The following RBFOX3 variants were observed in gnomAD, a reference collection of about 807,000 sequenced individuals.
RBFOX3 encodes the protein RNA binding fox-1 homolog 3.
In RBFOX3, 17 loss-of-function variants were observed where a neutral mutation model predicts 48.7. The observed-to-expected ratio is 0.35, with a 90% CI of 0.24 to 0.52. The LOEUF (loss-of-function observed/expected upper bound fraction) is 0.52, where lower values mean the gene tolerates loss of function less well. RBFOX3 is among the 20% of genes least tolerant of loss of function. RBFOX3 has a pLI of 0.94. For missense variants in RBFOX3, 382 were observed against 497.5 expected (o/e 0.77, Z 2.21); for synonymous variants, 212 against 209.5 (o/e 1.01, Z -0.10).
At chr17:79,267,132 G>C (rs1316182525) in intron 3 of RBFOX3, among the ~76,000 whole-genome samples, 1 of 152,128 alleles carries the variant, frequency 6.6e-6, no homozygotes, top group Admixed American at 6.5e-5. Flanking sequence ...TCTGAGCAGT[G>C]AGTGGCAGAA....
At chr17:79,169,133 C>T (rs184049599) in intron 4 of RBFOX3, among the ~76,000 whole-genome samples, 2 of 152,320 alleles carry the variant, frequency 1.3e-5, no homozygotes, top group East Asian at 1.9e-4. Flanking sequence ...GTGTGAATCC[C>T]GGTGTCATTT....
At chr17:79,152,446 G>C (rs568440669) in intron 4 of RBFOX3, among the ~76,000 whole-genome samples, 1 of 89,742 alleles carries the variant, frequency 1.1e-5, no homozygotes, top group Non-Finnish European at 2.5e-5. Flanking sequence ...ACCTCCTTAG[G>C]GGGGACTAGG....
intron 12 of RBFOX3, 66 bp from the exon 13 acceptor site, chr17:79,095,640 T>A: frequency 1.4e-6 from 2 of 1,412,210 alleles, no homozygotes; most frequent in Non-Finnish European, 2.0e-6. Context: ...AAAGGCTGAG[T>A]GGGGAGAGGA....
At chr17:79,114,809 C>T (rs1599493381) in intron 5 of RBFOX3, among the ~76,000 whole-genome samples, 3 of 151,868 alleles carry the variant, frequency 2.0e-5, no homozygotes, top group Non-Finnish European at 2.9e-5. Flanking sequence ...AGGAATAGGC[C>T]GGCTGGGGCT....
chr17:79,455,807 T>C (rs2074372503), intron 2 of RBFOX3, among the ~76,000 whole-genome samples: 1 of 152,152 alleles, frequency 6.6e-6, no homozygotes, highest in Non-Finnish European at 1.5e-5. Context: ...CACAGCCCCA[T>C]GCTCCACATG....
At chr17:79,463,463 A>ACCACTGCCACCTCCACCGCCATCG (rs2075790368) in intron 2 of RBFOX3, among the ~76,000 whole-genome samples, 3 of 76,666 alleles carry the variant, frequency 3.9e-5, no homozygotes, top group African/African-American at 9.9e-5. Context: ...CACCGCCATC[A>ACCACTGCCACCTCCACCGCCATCG]CCACTGCCAC....
chr17:79,485,073 C>G (rs898155632), intron 1 of RBFOX3, among the ~76,000 whole-genome samples: 56 of 147,998 alleles, frequency 3.8e-4, no homozygotes, highest in African/African-American at 1.3e-3. Flanking sequence ...GAGACTCCTG[C>G]CCCGCTGCTC....
chr17:79,521,166 A>G (rs2086012416), intron 1 of RBFOX3, among the ~76,000 whole-genome samples: 1 of 152,152 alleles, frequency 6.6e-6, no homozygotes, highest in African/African-American at 2.4e-5. Context: ...ACAGCAATGC[A>G]CCAGTACATA....
At chr17:79,097,515 T>A in intron 10 of RBFOX3, 91 bp from the exon 11 acceptor site, 3 of 910,092 alleles carry the variant, frequency 3.3e-6, no homozygotes, top group Non-Finnish European at 3.9e-6. Context: ...CCCGCGCACC[T>A]AGCCCCCAAC....
chr17:79,356,207 C>T (rs902817827), intron 2 of RBFOX3, among the ~76,000 whole-genome samples: 1 of 152,108 alleles, frequency 6.6e-6, no homozygotes, highest in African/African-American at 2.4e-5. Flanking sequence ...CTTGGAGAGG[C>T]ATGTTCTCCC....
intron 4 of RBFOX3, among the ~76,000 whole-genome samples, chr17:79,147,056 G>A (rs1181331058): frequency 1.3e-5 from 2 of 152,248 alleles, no homozygotes; most frequent in Non-Finnish European, 2.9e-5. Context: ...CAGCCTCCGG[G>A]TGTCCCGGGG....
In RBFOX3 at chr17:79,195,088, C is replaced by T. The variant is rs2055321730; in HGVS notation, c.-34+40678G>A. The stretch of plus-strand genomic sequence containing the variant: ...CCATTGCCTGCGCGGTGCCTGGCCA[C>T]GGGTAGCCTCTCAAGAAGAAGTGCA... On this transcript the variant is annotated intron_variant, in intron 4 of 14. Transcript: ENST00000693108. The surrounding 1 kb of genome is among the most constrained non-coding windows in gnomAD (Gnocchi z 5.3). 1.3e-5 allele frequency among the ~76,000 whole-genome samples: 2 copies of T among 152,052 alleles called. No individual in the cohort carries two copies. The highest frequency in any genetic ancestry group is 4.2e-4 in the South Asian group (2 of 4,810).
At position 79,283,810 on chromosome 17, in the gene RBFOX3, A is replaced by G. The variant is rs927687886; in HGVS notation, c.-74+23914T>C. On this transcript the variant is annotated intron_variant, in intron 3 of 14. Coordinates refer to ENST00000693108, the MANE Select transcript of RBFOX3 (RefSeq NM_001350451.2). ...TTGTGCTTTGTTGGATCCATCGCCT[A>G]GAACTCTATGACTGCTTCAAAACCA... 7.2e-5 allele frequency among the ~76,000 whole-genome samples: 11 copies of G among 152,238 alleles called. 1 individual carries two copies. The highest frequency in any genetic ancestry group is 2.7e-4 in the African/African-American group (11 of 41,460).
chr17:79,583,347 G>A (rs908818128), intron 1 of RBFOX3, among the ~76,000 whole-genome samples: 2 of 152,298 alleles, frequency 1.3e-5, no homozygotes, highest in South Asian at 2.1e-4. Flanking sequence ...TGAGCGCCAC[G>A]GCAGGTCCTG....
chr17:79,324,235 G>T (rs575425594), intron 2 of RBFOX3, among the ~76,000 whole-genome samples: 6 of 152,328 alleles, frequency 3.9e-5, no homozygotes, highest in East Asian at 3.9e-4. Flanking sequence ...GGCTTTGGGG[G>T]CTTGGGTCAC....
chr17:79,245,798 T>C (rs994045715), intron 3 of RBFOX3, among the ~76,000 whole-genome samples: 1 of 152,052 alleles, frequency 6.6e-6, no homozygotes, highest in Non-Finnish European at 1.5e-5. Flanking sequence ...TGGCTAATTT[T>C]TGTATTTTAG....
At chr17:79,155,522 T>C (rs1365907037) in intron 4 of RBFOX3, among the ~76,000 whole-genome samples, 1 of 152,240 alleles carries the variant, frequency 6.6e-6, no homozygotes, top group Non-Finnish European at 1.5e-5. Flanking sequence ...TTCATGTATA[T>C]TTCAGAGTAT....
chr17:79,505,272 A>G (rs2149779232), intron 1 of RBFOX3, among the ~76,000 whole-genome samples: 1 of 152,236 alleles, frequency 6.6e-6, no homozygotes, highest in Non-Finnish European at 1.5e-5. Context: ...TAAACATTTC[A>G]GTGTACGCAG....
chr17:79,207,983 G>A (rs1423042897), intron 4 of RBFOX3, among the ~76,000 whole-genome samples: 2 of 152,146 alleles, frequency 1.3e-5, no homozygotes, highest in Non-Finnish European at 1.5e-5. Flanking sequence ...CGGGAGCCTC[G>A]GCAAGCCTCG....
Sources: allele counts gnomAD v4.1 joint callset (sites outside exome capture counted in the v4.1 genomes callset), GRCh38; gene constraint gnomAD v4.1.1; non-coding constraint Gnocchi (gnomAD v3.1); transcripts MANE v1.5; gene names NCBI Gene and HGNC (gene_info 2026-07-23, HGNC 2026-07-21).